The following NFIL3 variants were observed in gnomAD, a reference collection of about 807,000 sequenced individuals.
NFIL3 encodes nuclear factor interleukin-3-regulated protein.
Under a neutral mutation model 10.0 loss-of-function variants are expected in NFIL3, and 5 were observed. The observed-to-expected ratio is 0.50, with a 90% CI of 0.26 to 1.06. NFIL3 has a LOEUF of 1.06. Ranked by LOEUF, NFIL3 falls within the 50% of genes least tolerant of loss-of-function variation. The pLI is 0.13. For synonymous variants in NFIL3, 202 were observed against 206.5 expected, an observed-to-expected ratio of 0.98 and a Z score of 0.19; for missense variants, 436 against 547.6, an observed-to-expected ratio of 0.80 and a Z score of 2.03.
the NFIL3 span, among the ~76,000 whole-genome samples, chr9:91,473,509 C>T: frequency 2.6e-5 from 4 of 152,248 alleles, no homozygotes; most frequent in African/African-American, 9.6e-5. Context: ...TGGGACCCGC[C>T]GAGCCAGGCA....
At chr9:91,468,196 C>T in the NFIL3 span, among the ~76,000 whole-genome samples, 2 of 152,204 alleles carry the variant, frequency 1.3e-5, no homozygotes, top group African/African-American at 4.8e-5. Context: ...TCTCCAGCAC[C>T]TGTTGTTTCC....
chr9:91,427,072 C>A (rs1255733166), upstream of NFIL3: 1 of 144,204 alleles, frequency 6.9e-6, no homozygotes, highest in Non-Finnish European at 1.5e-5. Context: ...AGAACGTTGA[C>A]TTTTTTTTTT....
chr9:91,445,328 C>T, the NFIL3 span, among the ~76,000 whole-genome samples: 1 of 152,202 alleles, frequency 6.6e-6, no homozygotes, highest in African/African-American at 2.4e-5. Context: ...AACCCAGGCT[C>T]TGTGAGGCCA....
At chr9:91,434,921 A>G in the NFIL3 span, among the ~76,000 whole-genome samples, 1 of 152,268 alleles carries the variant, frequency 6.6e-6, no homozygotes, top group South Asian at 2.1e-4. Flanking sequence ...ACACTTCTCT[A>G]AAGGGTTTCC....
the NFIL3 span, among the ~76,000 whole-genome samples, chr9:91,468,260 T>C: frequency 6.6e-6 from 1 of 152,210 alleles, no homozygotes; most frequent in Admixed American, 6.5e-5. Context: ...CTCATTGTGG[T>C]TTTGATTTGC....
At position 91,410,815 on chromosome 9, in the gene NFIL3, T is replaced by C; in HGVS notation, c.-81A>G. 2 of 1,379,526 alleles carry C rather than the reference T, an allele frequency of 1.4e-6. No homozygotes were observed. Among genetic ancestry groups the C allele is most frequent in the Non-Finnish European group, 2.0e-6 (2 of 1,023,100 alleles). 85.5% of individuals were successfully genotyped at this position (1,379,526 alleles called of 1,614,324 possible). A position where few individuals can be genotyped will look rare whatever the true frequency, so the allele number is the denominator to read the frequency against. ...TTCTCAAGCTCTTTAAAAACTCTGG[T>C]TTAAAATCCATCAATATTCTTCCTT... is the stretch of plus-strand genomic sequence containing the variant. On this transcript the variant is annotated 5_prime_UTR_variant, in exon 2 of 2. Transcript: ENST00000297689. This position sits in a 1 kb window ranked among gnomAD's most constrained non-coding sequence, Gnocchi z 5.7.
At chr9:91,457,805 G>T in the NFIL3 span, among the ~76,000 whole-genome samples, 1 of 152,014 alleles carries the variant, frequency 6.6e-6, no homozygotes, top group South Asian at 2.1e-4. Flanking sequence ...TTAGCTATAG[G>T]TTTATTGTAG....
At chr9:91,421,060 G>A (rs990241759) in intron 1 of NFIL3, among the ~76,000 whole-genome samples, 2 of 152,146 alleles carry the variant, frequency 1.3e-5, no homozygotes, top group Non-Finnish European at 2.9e-5. Context: ...GAATGGAGAC[G>A]CGCTTGGTTC....
At chr9:91,473,203 C>A in the NFIL3 span, among the ~76,000 whole-genome samples, 1 of 152,212 alleles carries the variant, frequency 6.6e-6, no homozygotes, top group African/African-American at 2.4e-5. Flanking sequence ...TCTCAGAGCT[C>A]AAACTCTGTG....
chr9:91,452,527 C>A, the NFIL3 span, among the ~76,000 whole-genome samples: 1 of 152,244 alleles, frequency 6.6e-6, no homozygotes, highest in Non-Finnish European at 1.5e-5. Context: ...GTAATCCCTG[C>A]ACTTTGGGAG....
Position 91,423,706 on chromosome 9 carries a change from C to A in NFIL3, c.-239G>T. 7.1e-6 allele frequency: 1 copy of A among 140,682 alleles called. No individual in the cohort carries two copies. The highest frequency in any genetic ancestry group is 2.3e-4 in the South Asian group (1 of 4,274). 8.7% of individuals were successfully genotyped at this position (140,682 alleles called of 1,614,324 possible). A position where few individuals can be genotyped will look rare whatever the true frequency, so the allele number is the denominator to read the frequency against. ...GGCCGGGAGTCGGGCCGCCGGCGCT[C>A]GGGGCTCGGGCCGGGCCGGGCCTCC... On this transcript the variant is annotated 5_prime_UTR_variant, in exon 1 of 2. Transcript: ENST00000297689.
the NFIL3 span, among the ~76,000 whole-genome samples, chr9:91,470,294 T>A: frequency 2.0e-5 from 3 of 151,880 alleles, no homozygotes; most frequent in Non-Finnish European, 4.4e-5. Flanking sequence ...ATCCATTTCT[T>A]CTAGATTTTC....
the NFIL3 span, among the ~76,000 whole-genome samples, chr9:91,464,497 A>G: frequency 6.6e-6 from 1 of 152,120 alleles, no homozygotes; most frequent in African/African-American, 2.4e-5. Context: ...CATATGCCAT[A>G]ATAGCCCCAT....
chr9:91,424,250 G>A (rs991309891), upstream of NFIL3, among the ~76,000 whole-genome samples: 4 of 152,094 alleles, frequency 2.6e-5, no homozygotes, highest in African/African-American at 9.7e-5. Context: ...TGCGCTCCCC[G>A]CGACCCTCAC....
the NFIL3 span, among the ~76,000 whole-genome samples, chr9:91,469,538 A>T: frequency 1.5e-4 from 23 of 152,092 alleles, no homozygotes; most frequent in Non-Finnish European, 3.2e-4. Flanking sequence ...CTCCTGCCTG[A>T]TTGCCCTGGC....
chr9:91,431,279 T>C, the NFIL3 span, among the ~76,000 whole-genome samples: 1 of 152,124 alleles, frequency 6.6e-6, no homozygotes, highest in Non-Finnish European at 1.5e-5. Context: ...AAGCCTGGAC[T>C]CTAGAGCTGG....
At chr9:91,471,297 G>A in the NFIL3 span, among the ~76,000 whole-genome samples, 3 of 151,020 alleles carry the variant, frequency 2.0e-5, no homozygotes. Flanking sequence ...GATGTTTGTT[G>A]GTTTAAAGTC....
At chr9:91,463,702 G>A in the NFIL3 span, among the ~76,000 whole-genome samples, 1 of 152,214 alleles carries the variant, frequency 6.6e-6, no homozygotes, top group African/African-American at 2.4e-5. Context: ...CACTCAGGTT[G>A]TCTATATCCT....
the NFIL3 span, among the ~76,000 whole-genome samples, chr9:91,444,801 G>T: frequency 2.0e-5 from 3 of 152,194 alleles, no homozygotes; most frequent in Non-Finnish European, 4.4e-5. Context: ...GGTGGCAAGA[G>T]CTTTAGAGAT....
Sources: gnomAD v4.1 joint callset for allele counts (sites outside exome capture counted in the v4.1 genomes callset) on GRCh38, gnomAD v4.1.1 for gene constraint, Gnocchi (gnomAD v3.1) non-coding constraint, MANE v1.5 for transcripts, NCBI Gene and HGNC (gene_info 2026-07-23, HGNC 2026-07-21) for gene names.